The following TAS2R30 variants were observed in gnomAD, a reference collection of about 807,000 sequenced individuals.
The protein encoded by TAS2R30 is taste receptor type 2 member 30.
For synonymous variants in TAS2R30, 141 were observed against 131.6 expected, an observed-to-expected ratio of 1.07 and a Z score of -0.49; for missense variants, 395 against 371.6, an observed-to-expected ratio of 1.06 and a Z score of -0.52.
At chr12:11,132,967 T>C (rs1946409762) in exon 1 of TAS2R30, 3 of 251,908 alleles carry the variant, frequency 1.2e-5, no homozygotes, top group South Asian at 1.3e-4. Context: ...TAATTATAAA[T>C]AGATATAAAT....
exon 1 of TAS2R30, chr12:11,133,478 T>C (rs750814862): frequency 6.2e-7 from 1 of 1,613,972 alleles, no homozygotes; most frequent in African/African-American, 1.3e-5. Flanking sequence ...AGGTTGCTTT[T>C]CCAGCCTCCC....
chr12:11,133,746 T>A, the TAS2R30 span: 1 of 1,614,214 alleles, frequency 6.2e-7, no homozygotes, highest in Non-Finnish European at 8.5e-7. Context: ...CTCCTCAATT[T>A]GATCTTCCAA....
chr12:11,134,282 G>A (rs1946483029), exon 1 of TAS2R30: 2 of 1,548,686 alleles, frequency 1.3e-6, no homozygotes, highest in Non-Finnish European at 1.7e-6. Flanking sequence ...AAATGCTGGT[G>A]TAATATCACT....
At chr12:11,133,972 G>A in exon 1 of TAS2R30, 1 of 1,614,062 alleles carries the variant, frequency 6.2e-7, no homozygotes, top group Non-Finnish European at 8.5e-7. Flanking sequence ...TGAAATGGTT[G>A]GTTACTGCCC....
exon 1 of TAS2R30, chr12:11,133,539 G>A: frequency 6.2e-7 from 1 of 1,604,764 alleles, no homozygotes; most frequent in Admixed American, 1.7e-5. Context: ...GCACATAACA[G>A]AAGAAAGGAG....
chr12:11,134,022 A>G (rs765203763), exon 1 of TAS2R30: 1 of 1,614,000 alleles, frequency 6.2e-7, no homozygotes, highest in Non-Finnish European at 8.5e-7. Context: ...ACACTATAAA[A>G]AGCTGGATTC....
Position 11,134,001 on chromosome 12 carries a change from T to C in TAS2R30, c.244A>G (p.Ile82Val), listed in dbSNP as rs760698312. The change falls in exon 1 of 1, where the codon ATT becomes GTT. Residue 82 changes from isoleucine to valine, a missense_variant. Physicochemically the swap from Ile to Val is conservative, Grantham distance 29. Transcript: ENST00000539585. ...ACTGCCCAGACATTATAAGCAGTAA[T>C]TCTTACTTCTACACTATAAAAAGCT... The C allele has an allele frequency of 4.3e-6, 7 of 1,614,120 alleles. No individual in the cohort carries two copies. The South Asian group carries it at 7.7e-5, about 18-fold the overall frequency.
chr12:11,133,145 C>CTA (rs1459367424), exon 1 of TAS2R30: 263 of 902,704 alleles, frequency 2.9e-4, no homozygotes, highest in Non-Finnish European at 3.7e-4. Context: ...ACACACACAT[C>CTA]TATATATATG....
exon 1 of TAS2R30, chr12:11,134,402 A>G (rs1946487382): frequency 1.1e-6 from 1 of 929,818 alleles, no homozygotes; most frequent in East Asian, 2.7e-5. Context: ...TCAAGTCAGA[A>G]ATCACCATGG....
exon 1 of TAS2R30, chr12:11,133,408 C>A (rs1946433337): frequency 6.2e-7 from 1 of 1,613,916 alleles, no homozygotes; most frequent in Non-Finnish European, 8.5e-7. Flanking sequence ...TTCCCAAAAT[C>A]AGGATGAATG....
rs750425872 is a variant in TAS2R30 at position 11,133,908 on chromosome 12, A to T, written c.337T>A (p.Phe113Ile). The T allele has an allele frequency of 6.8e-6, 11 of 1,614,026 alleles. No homozygotes were observed. In the South Asian group the frequency reaches 9.9e-5, roughly 14 times the overall value. ...ATGCGAAGAAAAATAAGGTTGGAGAAATTGGCAATCCTGAGCAAATAAAAC... is the reference window on the plus strand; with the variant it reads ...ATGCGAAGAAAAATAAGGTTGGAGATATTGGCAATCCTGAGCAAATAAAAC... Residue 113 changes from phenylalanine to isoleucine, a missense_variant, in exon 1 of 1, where the codon TTC becomes ATC. Physicochemically the swap from Phe to Ile is conservative, Grantham distance 21 (BLOSUM62 0). Coordinates refer to ENST00000539585, the Ensembl canonical transcript of TAS2R30.
At chr12:11,133,120 TACAC>T (rs10645657) in exon 1 of TAS2R30, 27 of 497,234 alleles carry the variant, frequency 5.4e-5, no homozygotes, top group South Asian at 1.8e-4. Context: ...CAGTTTTTCA[TACAC>T]ACACACACAC....
rs372351741 is a variant in TAS2R30 at position 11,134,143 on chromosome 12, C to G, written c.102G>C (p.Glu34Asp). Residue 34 changes from glutamate (E) to aspartate (D), a missense_variant, in exon 1 of 1, where the codon GAG becomes GAC. Glu to Asp is a conservative substitution (Grantham distance 45, BLOSUM62 2). Transcript: ENST00000539585. ...AGGAGATCTTTTGTCTCTTGACCCA[C>G]TCAATGGAATTTACCAATGCTATGA... The G allele has an allele frequency of 1.2e-5, 19 of 1,613,976 alleles. No individual in the cohort carries two copies. Among genetic ancestry groups the G allele is most frequent in the Middle Eastern group, 1.6e-4 (1 of 6,084 alleles).
chr12:11,134,243 A>G (rs1411930429), exon 1 of TAS2R30: 1 of 1,605,042 alleles, frequency 6.2e-7, no homozygotes, highest in South Asian at 1.1e-5. Flanking sequence ...AAAAGTTATC[A>G]TGTCTGAACA....
chr12:11,133,202 T>C (rs1252768175), exon 1 of TAS2R30: 1 of 1,504,408 alleles, frequency 6.6e-7, no homozygotes, highest in South Asian at 1.4e-5. Context: ...TAGGTATACA[T>C]GTGGAAATTA....
exon 1 of TAS2R30, chr12:11,133,379 A>C: frequency 1.2e-6 from 2 of 1,613,492 alleles, no homozygotes; most frequent in South Asian, 1.1e-5. Flanking sequence ...TGAAAGAAAA[A>C]TCTGCTTTAG....
chr12:11,134,292 T>C (rs1366575557), exon 1 of TAS2R30: 20 of 1,039,318 alleles, frequency 1.9e-5, no homozygotes, highest in Non-Finnish European at 2.7e-5. Context: ...GTAATATCAC[T>C]GGTTGTGATT....
chr12:11,133,219 T>C (rs200393293), exon 1 of TAS2R30: 74 of 975,144 alleles, frequency 7.6e-5, no homozygotes, highest in Middle Eastern at 5.9e-4. Flanking sequence ...ATTATTCATA[T>C]ACATATATTA....
chr12:11,133,154 T>C lies in TAS2R30; in HGVS notation c.*131A>G, dbSNP rs190146389. 1,831 of 1,038,816 alleles carry C rather than the reference T, an allele frequency of 1.8e-3. 4 individuals are homozygous for C. Among genetic ancestry groups the C allele is most frequent in the Non-Finnish European group, 2.3e-3 (1,747 of 755,664 alleles). 64.3% of individuals were successfully genotyped at this position (1,038,816 alleles called of 1,614,324 possible). ...ACACACACACACACATCTATATATA[T>C]GTACTTTTCTAGACTAACTTTAGGT... is the stretch of plus-strand genomic sequence containing the variant. On this transcript the variant is annotated 3_prime_UTR_variant, in exon 1 of 1. Coordinates refer to ENST00000539585, the Ensembl canonical transcript of TAS2R30.
Sources: gnomAD v4.1 joint callset for allele counts on GRCh38, gnomAD v4.1.1 for gene constraint, MANE v1.5 for transcripts, NCBI Gene and HGNC (gene_info 2026-07-23, HGNC 2026-07-21) for gene names.